The following FHIP2A variants were observed in gnomAD, a reference collection of about 807,000 sequenced individuals.
FHIP2A encodes family with sequence similarity 160 member B1.
Under a neutral mutation model 93.5 loss-of-function variants are expected in FHIP2A, and 46 were observed. The ratio of observed to expected loss-of-function variants is 0.49; its 90% confidence interval spans 0.39 to 0.63. The LOEUF (loss-of-function observed/expected upper bound fraction) is 0.63. FHIP2A is among the 20% of genes least tolerant of loss of function. FHIP2A has a pLI of 0.00. For synonymous variants in FHIP2A, 332 were observed against 326.5 expected (o/e 1.02, Z -0.18); for missense variants, 769 against 909.7 (o/e 0.85, Z 1.99).
chr10:114,845,274 G>A (rs2083693835), intron 7 of FHIP2A, 93 bp from the exon 8 acceptor site: 2 of 696,094 alleles, frequency 2.9e-6, no homozygotes, highest in Admixed American at 4.2e-5. Context: ...TACTATCTGA[G>A]TGTGTTCATG....
intron 13 of FHIP2A, among the ~76,000 whole-genome samples, chr10:114,854,637 G>A (rs1291224182): frequency 4.6e-5 from 7 of 152,178 alleles, no homozygotes; most frequent in Non-Finnish European, 1.0e-4. Context: ...GCTTGCTCTT[G>A]CTTTTTGTCC....
At chr10:114,879,625 C>G (rs1179025143) in intron 16 of FHIP2A, among the ~76,000 whole-genome samples, 2 of 152,110 alleles carry the variant, frequency 1.3e-5, no homozygotes, top group African/African-American at 4.8e-5. Flanking sequence ...GCTCAAATGC[C>G]TCATAAGAAG....
At chr10:114,891,008 A>C (rs1008388902) in intron 16 of FHIP2A, among the ~76,000 whole-genome samples, 1 of 151,286 alleles carries the variant, frequency 6.6e-6, no homozygotes, top group Non-Finnish European at 1.5e-5. Flanking sequence ...CCTGGCCAAC[A>C]TACTGAGACC....
chr10:114,841,533 C>A (rs1428854022), intron 5 of FHIP2A, among the ~76,000 whole-genome samples: 2 of 152,036 alleles, frequency 1.3e-5, no homozygotes, highest in African/African-American at 4.8e-5. Context: ...CTCAAGTGAT[C>A]CGCCTGCCTC....
intron 16 of FHIP2A, among the ~76,000 whole-genome samples, chr10:114,877,336 G>A (rs1352309813): frequency 6.6e-6 from 1 of 152,018 alleles, no homozygotes; most frequent in African/African-American, 2.4e-5. Context: ...CAATTAGTAG[G>A]GCAACTGGAA....
At chr10:114,842,328 G>T (rs1025342475) in intron 5 of FHIP2A, among the ~76,000 whole-genome samples, 5 of 152,016 alleles carry the variant, frequency 3.3e-5, no homozygotes, top group Non-Finnish European at 5.9e-5. Context: ...GCCTCCCAAA[G>T]TGCTGGTATT....
At chr10:114,857,010 G>C (rs1468155465) in intron 14 of FHIP2A, among the ~76,000 whole-genome samples, 2 of 152,058 alleles carry the variant, frequency 1.3e-5, no homozygotes, top group African/African-American at 4.8e-5. Context: ...AGGATTGCTT[G>C]ACCCCAGGAG....
chr10:114,831,287 C>T (rs2083606340), intron 2 of FHIP2A, among the ~76,000 whole-genome samples: 1 of 152,074 alleles, frequency 6.6e-6, no homozygotes, highest in Non-Finnish European at 1.5e-5. Flanking sequence ...CTAAAGAGTA[C>T]GTTGGGGTGG....
chr10:114,874,243 A>C (rs1015996922), intron 16 of FHIP2A, among the ~76,000 whole-genome samples: 1 of 150,094 alleles, frequency 6.7e-6, no homozygotes, highest in African/African-American at 2.4e-5. Context: ...GCCACACAAA[A>C]GATTTCTACT....
intron 16 of FHIP2A, among the ~76,000 whole-genome samples, chr10:114,892,061 C>T (rs1032813854): frequency 3.3e-5 from 5 of 151,898 alleles, no homozygotes; most frequent in Non-Finnish European, 5.9e-5. Flanking sequence ...AGTTTTCAAC[C>T]CTCCACTCAG....
rs148525223 is a variant in FHIP2A at position 114,886,042 on chromosome 10, G to A, written c.2193-13448G>A. 4.5e-3 allele frequency among the ~76,000 whole-genome samples: 689 copies of A among 152,308 alleles called. 8 individuals carry two copies. The highest frequency in any genetic ancestry group is 0.014 in the African/African-American group (574 of 41,576). On this transcript the variant is annotated intron_variant, in intron 16 of 16. Coordinates refer to the FHIP2A transcript ENST00000369250. ...TGATGGCAGTGGCATGGAATAAAGCGTCTTAGTGTCTCCTCTAGTGCCTAA... is the reference window on the plus strand; with the variant it reads ...TGATGGCAGTGGCATGGAATAAAGCATCTTAGTGTCTCCTCTAGTGCCTAA...
chr10:114,855,298 T>G lies in FHIP2A; in HGVS notation c.1905T>G (p.Phe635Leu), dbSNP rs765306194. 1.6e-5 allele frequency: 26 copies of G among 1,613,972 alleles called. 1 individual carries two copies. In the South Asian group the frequency reaches 2.6e-4, roughly 16 times the overall value. Residue 635 changes from phenylalanine to leucine, a missense_variant, in exon 14 of 17, where the codon TTT becomes TTG. Transcript: ENST00000369248. ...AAGCTGCTTTCTTTGAAGGTCATTT[T>G]TTGAAAGTGCTGTTCGACAGAATGG... is the stretch of plus-strand genomic sequence containing the variant. ...NLEAAFFEGH[F>L]LKVLFDRMGR... is the part of the protein sequence containing the mutation.
In FHIP2A at chr10:114,860,817, C is replaced by A; in HGVS notation, c.2016C>A (p.Ile672=). Residue 672 remains isoleucine, a synonymous_variant, in exon 15 of 17, where the codon ATC becomes ATA. Transcript: ENST00000369248. ...TTTCTCTCTTCCCTCATCCACACATCCACGAGTACCTTTTGGATCCTTACG... is the reference window on the plus strand; with the variant it reads ...TTTCTCTCTTCCCTCATCCACACATACACGAGTACCTTTTGGATCCTTACG... The part of the protein sequence containing the change: ...SRLSLFPHPH[I]HEYLLDPYVN... 6.2e-7 allele frequency: 1 copy of A among 1,610,026 alleles called. No individual in the cohort carries two copies. The highest frequency in any genetic ancestry group is 8.5e-7 in the Non-Finnish European group (1 of 1,176,256).
At chr10:114,822,181 C>G (rs1359098040) in intron 1 of FHIP2A, 58 bp downstream of exon 1, 2 of 1,114,800 alleles carry the variant, frequency 1.8e-6, no homozygotes. Flanking sequence ...CCTACGCTCC[C>G]CGGCGGCCTC....
chr10:114,861,062 T>A (rs1473761602), intron 15 of FHIP2A, among the ~76,000 whole-genome samples, 169 bp from the exon 16 acceptor site: 1 of 152,260 alleles, frequency 6.6e-6, no homozygotes, highest in African/African-American at 2.4e-5. Context: ...AATATGTAAC[T>A]TTTATTTTAA....
intron 1 of FHIP2A, among the ~76,000 whole-genome samples, chr10:114,827,815 AG>A (rs1441307251): frequency 0.011 from 1,682 of 150,624 alleles, 35 homozygotes; most frequent in African/African-American, 0.039. Context: ...AAAAAAAAAA[AG>A]AGTATCAAGG....
chr10:114,858,784 T>C (rs2143012961), intron 14 of FHIP2A, among the ~76,000 whole-genome samples: 1 of 152,232 alleles, frequency 6.6e-6, no homozygotes, highest in East Asian at 1.9e-4. Context: ...TTAGAAGAAA[T>C]AAGTTCTAGT....
intron 1 of FHIP2A, among the ~76,000 whole-genome samples, chr10:114,829,856 C>T (rs1265910777): frequency 6.6e-6 from 1 of 152,160 alleles, no homozygotes; most frequent in East Asian, 1.9e-4. Flanking sequence ...ACTTGAAATA[C>T]TTGTAGGTTT....
Position 114,846,709 on chromosome 10 carries a change from G to A in FHIP2A, c.1549G>A (p.Gly517Arg), listed in dbSNP as rs571805690. Residue 517 changes from glycine (G) to arginine (R), a missense_variant, in exon 11 of 17, where the codon GGA (glycine) becomes AGA (arginine). Coordinates refer to ENST00000369248, the MANE Select transcript of FHIP2A (RefSeq NM_020940.4). Reference sequence around the variant, plus strand: ...AGAAGATAAAGATGTGGTAGAAAATGGATTGATAGCAGGAGCAGTGTAAGT... The same window carrying A: ...AGAAGATAAAGATGTGGTAGAAAATAGATTGATAGCAGGAGCAGTGTAAGT... ...CPEDKDVVEN[G>R]LIAGAVDLEE... The A allele has an allele frequency of 2.5e-6, 4 of 1,601,788 alleles. No homozygotes were observed. The African/African-American group carries it at 5.4e-5, about 22-fold the overall frequency.
Sources: gnomAD v4.1 joint callset for allele counts (sites outside exome capture counted in the v4.1 genomes callset) on GRCh38, gnomAD v4.1.1 for gene constraint, MANE v1.5 for transcripts, NCBI Gene and HGNC (gene_info 2026-07-23, HGNC 2026-07-21) for gene names.